The following MSX2 variants were observed in gnomAD, a reference collection of about 807,000 sequenced individuals.
MSX2 encodes the protein homeobox protein MSX-2.
In MSX2, 10 loss-of-function variants were observed where a neutral mutation model predicts 18.4. That is an observed-to-expected ratio of 0.54 (90% CI 0.34 to 0.92). MSX2 has a LOEUF of 0.92. MSX2 is among the 40% of genes least tolerant of loss of function. The pLI, the probability that MSX2 is intolerant of heterozygous loss-of-function variation, is 0.02. For missense variants in MSX2, 339 were observed against 364.0 expected (o/e 0.93, Z 0.56); for synonymous variants, 170 against 165.6 (o/e 1.03, Z -0.20).
Position 174,729,643 on chromosome 5 carries a change from C to G in MSX2, c.*60C>G, listed in dbSNP as rs532365387. On this transcript the variant is annotated 3_prime_UTR_variant, in exon 2 of 2. Transcript: ENST00000239243. ...TTGTTTCAAAGGGTTTCCTCTCCCT[C>G]TCCACGAAGGCAGTACCAGCCAGTA... The G allele has an allele frequency of 5.2e-5, 81 of 1,557,450 alleles. No individual in the cohort carries two copies. In the African/African-American group the frequency reaches 1.0e-3, roughly 19 times the overall value.
In MSX2 at chr5:174,730,833, A is replaced by G. The variant is rs143253235; in HGVS notation, c.*1250A>G. ...ATTTGATATATTTTATTGAAGAGTTATCTCTTATTCTGAATTAAATTAAGC... is the reference window on the plus strand; with the variant it reads ...ATTTGATATATTTTATTGAAGAGTTGTCTCTTATTCTGAATTAAATTAAGC... On this transcript the variant is annotated 3_prime_UTR_variant, in exon 2 of 2. Transcript: ENST00000239243. 1 of 152,730 alleles carries G rather than the reference A, an allele frequency of 6.5e-6. No homozygotes were observed. Among genetic ancestry groups the G allele is most frequent in the African/African-American group, 2.4e-5 (1 of 41,574 alleles). 9.5% of individuals were successfully genotyped at this position (152,730 alleles called of 1,614,324 possible).
In MSX2 at chr5:174,729,507, A is replaced by C. The variant is rs1415719648; in HGVS notation, c.728A>C (p.His243Pro). The C allele has an allele frequency of 6.2e-7, 1 of 1,613,962 alleles. No individual in the cohort carries two copies. The highest frequency in any genetic ancestry group is 1.1e-5 in the South Asian group (1 of 91,080). Residue 243 changes from histidine to proline, a missense_variant, in exon 2 of 2, where the codon CAT becomes CCT. This residue lies in a region of MSX2 where 128 missense variants were observed against 178.6 expected (regional missense o/e 0.72). Coordinates refer to ENST00000239243, the MANE Select transcript of MSX2 (RefSeq NM_002449.5). ...ASIYGASYPF[H>P]RPVLPIPPVG... Reference sequence around the variant, plus strand: ...ATATATGGAGCATCCTACCCGTTCCATAGACCTGTGCTTCCCATCCCGCCT... The same window carrying C: ...ATATATGGAGCATCCTACCCGTTCCCTAGACCTGTGCTTCCCATCCCGCCT...
In MSX2 at chr5:174,729,718, A is replaced by G. The variant is rs557598517; in HGVS notation, c.*135A>G. The G allele has an allele frequency of 5.2e-5, 46 of 892,588 alleles. No individual in the cohort carries two copies. Among genetic ancestry groups the G allele is most frequent in the Non-Finnish European group, 7.7e-5 (43 of 556,098 alleles). 55.3% of individuals were successfully genotyped at this position (892,588 alleles called of 1,614,324 possible). ...CACCACCCTAAGCGGCTAGGCTGAC[A>G]GGGCCACACGACATAGCTGAAATTT... On this transcript the variant is annotated 3_prime_UTR_variant, in exon 2 of 2. Transcript: ENST00000239243.
At position 174,729,383 on chromosome 5, in the gene MSX2, G is replaced by C. The variant is rs182690432; in HGVS notation, c.604G>C (p.Glu202Gln). Residue 202 changes from glutamate (E) to glutamine (Q), a missense_variant, in exon 2 of 2, where the codon GAG becomes CAG. By Grantham distance (29) the Glu-to-Gln change is conservative. Around this residue, in one of 2 missense-constraint regions of MSX2, gnomAD observed 128 missense variants for 178.6 expected, o/e 0.72. Coordinates refer to ENST00000239243, the MANE Select transcript of MSX2 (RefSeq NM_002449.5). Reference sequence around the variant, plus strand: ...AAGGGCCAAGGCGAAAAGACTGCAGGAGGCAGAACTGGAAAAGCTGAAAAT... The same window carrying C: ...AAGGGCCAAGGCGAAAAGACTGCAGCAGGCAGAACTGGAAAAGCTGAAAAT... ...NRRAKAKRLQEAELEKLKMAA... is the reference protein window; with the variant it reads ...NRRAKAKRLQQAELEKLKMAA... The C allele has an allele frequency of 6.2e-7, 1 of 1,614,198 alleles. No individual in the cohort carries two copies. The highest frequency in any genetic ancestry group is 8.5e-7 in the Non-Finnish European group (1 of 1,180,048).
chr5:174,725,223 T>A (rs970144774), intron 1 of MSX2, among the ~76,000 whole-genome samples, 185 bp downstream of exon 1: 1 of 152,170 alleles, frequency 6.6e-6, no homozygotes, highest in African/African-American at 2.4e-5. Context: ...GCCGTCCGCA[T>A]CCAAGACACC....
In MSX2 at chr5:174,724,713, A is replaced by G; in HGVS notation, c.54A>G (p.Pro18=). 1 of 1,594,992 alleles carries G rather than the reference A, an allele frequency of 6.3e-7. No individual in the cohort carries two copies. ...TGTTTTCGCCCGACGAGGAGGGCCCAGCAGTGGTGGCCGGACCAGGCCCGG... is the reference window on the plus strand; with the variant it reads ...TGTTTTCGCCCGACGAGGAGGGCCCGGCAGTGGTGGCCGGACCAGGCCCGG... The part of the protein sequence containing the change: ...NDLFSPDEEG[P]AVVAGPGPGP... Residue 18 remains proline (P), a synonymous_variant, in exon 1 of 2, where the codon CCA becomes CCG. Transcript: ENST00000239243.
chr5:174,729,349 C>G lies in MSX2; in HGVS notation c.570C>G (p.Phe190Leu), dbSNP rs781352134. ...NLTETQVKIW[F>L]QNRRAKAKRL... is the part of the protein sequence containing the mutation. ...CAGAGACCCAGGTCAAAATCTGGTT[C>G]CAGAACCGAAGGGCCAAGGCGAAAA... Residue 190 changes from phenylalanine to leucine, a missense_variant, in exon 2 of 2, where the codon TTC (phenylalanine) becomes TTG (leucine). Physicochemically the swap from Phe to Leu is conservative, Grantham distance 22. Around this residue, in one of 2 missense-constraint regions of MSX2, gnomAD observed 128 missense variants for 178.6 expected, o/e 0.72. Coordinates refer to ENST00000239243, the MANE Select transcript of MSX2 (RefSeq NM_002449.5). 1 of 1,614,144 alleles carries G rather than the reference C, an allele frequency of 6.2e-7. No homozygotes were observed. Among genetic ancestry groups the G allele is most frequent in the East Asian group, 2.2e-5 (1 of 44,866 alleles).
At position 174,724,616 on chromosome 5, in the gene MSX2, G is replaced by A. The variant is rs997670876; in HGVS notation, c.-44G>A. The A allele has an allele frequency of 3.8e-6, 6 of 1,559,666 alleles. No homozygotes were observed. The Admixed American group carries it at 5.7e-5, about 15-fold the overall frequency. ...AAGTTTGAGTCGCCGCTGCCGGGTT[G>A]CCAGCGGAGTCGCGCGTCGGGAGCT... On this transcript the variant is annotated 5_prime_UTR_variant, in exon 1 of 2. Transcript: ENST00000239243.
In MSX2 at chr5:174,729,245, G is replaced by GCCCTGGAGCGCAAGTT; in HGVS notation, c.469_484dup (p.Arg162ProfsTer88). 1 of 1,614,084 alleles carries GCCCTGGAGCGCAAGTT rather than the reference G, an allele frequency of 6.2e-7. No homozygotes were observed. The highest frequency in any genetic ancestry group is 8.5e-7 in the Non-Finnish European group (1 of 1,180,016). On this transcript the variant is annotated frameshift_variant, in exon 2 of 2. Coordinates refer to ENST00000239243, the MANE Select transcript of MSX2 (RefSeq NM_002449.5). LOFTEE classifies it high-confidence loss of function. ...GCCCTTTACCACATCCCAGCTCCTC[G>GCCCTGGAGCGCAAGTT]CCCTGGAGCGCAAGTTCCGTCAGAA...
At chr5:174,726,988 C>T (rs964779372) in intron 1 of MSX2, among the ~76,000 whole-genome samples, 4 of 152,040 alleles carry the variant, frequency 2.6e-5, no homozygotes, top group Non-Finnish European at 4.4e-5. Context: ...ATGAAAAGAA[C>T]CAGAAATTCT....
chr5:174,729,466 C>CCTG lies in MSX2; in HGVS notation c.689_691dup (p.Leu230dup), dbSNP rs1760878650. On this transcript the variant is annotated inframe_insertion, in exon 2 of 2. Coordinates refer to ENST00000239243, the MANE Select transcript of MSX2 (RefSeq NM_002449.5). ...GTCTCCCTTTCCCCATCAGCTCGCC[C>CCTG]CTGCAGGCAGCGTCCATATATGGAG... 6.2e-7 allele frequency: 1 copy of CCTG among 1,613,882 alleles called. No individual in the cohort carries two copies. Among genetic ancestry groups the CCTG allele is most frequent in the African/African-American group, 1.3e-5 (1 of 74,924 alleles).
rs1333463536 is a variant in MSX2, at chr5:174,724,891, C to T, written c.232C>T (p.Pro78Ser). Residue 78 changes from proline to serine, a missense_variant, in exon 1 of 2, where the codon CCA (proline) becomes TCA (serine). Around this residue, in one of 2 missense-constraint regions of MSX2, gnomAD observed 211 missense variants for 185.4 expected, o/e 1.14. Transcript: ENST00000239243. ...ESASAGATLR[P>S]LLLSGHGARE... ...CGCCTCGGCCGGGGCCACCCTGCGG[C>T]CACTGCTGCTGTCGGGGCACGGCGC... 5 of 1,565,220 alleles carry T rather than the reference C, an allele frequency of 3.2e-6. No homozygotes were observed. The East Asian group carries it at 7.0e-5, about 22-fold the overall frequency.
chr5:174,725,143 A>C (rs1053412672), intron 1 of MSX2, 105 bp downstream of exon 1: 1 of 1,489,816 alleles, frequency 6.7e-7, no homozygotes, highest in African/African-American at 1.4e-5. Flanking sequence ...TGCGTGCGCT[A>C]CACTCCCGGG....
At chr5:174,728,506 T>C (rs1480591022) in intron 1 of MSX2, among the ~76,000 whole-genome samples, 1 of 152,224 alleles carries the variant, frequency 6.6e-6, no homozygotes, top group African/African-American at 2.4e-5. Context: ...TGCACGATTA[T>C]CCTTCATAAA....
chr5:174,724,965 C>T lies in MSX2; in HGVS notation c.306C>T (p.Ala102=), dbSNP rs1374797063. 3.1e-6 allele frequency: 5 copies of T among 1,604,882 alleles called. No individual in the cohort carries two copies. The highest frequency in any genetic ancestry group is 1.3e-5 in the African/African-American group (1 of 74,918). Reference sequence around the variant, plus strand: ...CGCTGGTGAAGCCCTTCGAGACCGCCTCGGTCAAGTCGGAAAATTCAGAAG... The same window carrying T: ...CGCTGGTGAAGCCCTTCGAGACCGCTTCGGTCAAGTCGGAAAATTCAGAAG... ...PGPLVKPFET[A]SVKSENSEDG... is the part of the protein sequence containing the mutation. Residue 102 remains alanine, a synonymous_variant, in exon 1 of 2, where the codon GCC becomes GCT. Transcript: ENST00000239243.
chr5:174,725,612 CCAGGGATGGTGGCAT>C (rs1760777845), intron 1 of MSX2, among the ~76,000 whole-genome samples: 2 of 48,138 alleles, frequency 4.2e-5, no homozygotes, highest in South Asian at 1.0e-3. Context: ...GATGGTGGCA[CCAGGGATGGTGGCAT>C]CAGAGTCTGG....
intron 1 of MSX2, among the ~76,000 whole-genome samples, chr5:174,728,490 C>G (rs957185822): frequency 1.3e-5 from 2 of 152,200 alleles, no homozygotes; most frequent in African/African-American, 4.8e-5. Context: ...TACCACAGAC[C>G]TTATCTGCAC....
chr5:174,726,369 C>A (rs974443351), intron 1 of MSX2, among the ~76,000 whole-genome samples: 1 of 152,240 alleles, frequency 6.6e-6, no homozygotes. Context: ...CAGTGGCTGT[C>A]CCCTCTGGCA....
intron 1 of MSX2, among the ~76,000 whole-genome samples, chr5:174,728,676 G>C (rs901796506): frequency 2.6e-5 from 4 of 152,192 alleles, no homozygotes; most frequent in African/African-American, 4.8e-5. Flanking sequence ...TTTTTAAAGA[G>C]AAGATAAATT....
Sources: gnomAD v4.1 joint callset for allele counts (sites outside exome capture counted in the v4.1 genomes callset) on GRCh38, gnomAD v4.1.1 for gene constraint, gnomAD v4.1.1 regional missense constraint, MANE v1.5 for transcripts, NCBI Gene and HGNC (gene_info 2026-07-23, HGNC 2026-07-21) for gene names.